AUTS2: variants seen among roughly 807,000 people sequenced by gnomAD.
The protein encoded by AUTS2 is autism susceptibility gene 2 protein.
AUTS2 carries 17 observed loss-of-function variants against 112.4 expected under a neutral mutation model. The ratio of observed to expected loss-of-function variants is 0.15; its 90% CI spans 0.10 to 0.23. The LOEUF (loss-of-function observed/expected upper bound fraction) is 0.23, where lower values mean the gene tolerates loss of function less well. Among genes scored for constraint, AUTS2 ranks in the 10% least tolerant of loss-of-function variants. The pLI, the probability that AUTS2 is intolerant of heterozygous loss-of-function variation, is 1.00. For synonymous variants in AUTS2, 751 were observed against 702.7 expected (o/e 1.07, Z -1.09); for missense variants, 1,510 against 1,701.6 (o/e 0.89, Z 1.98).
intron 5 of AUTS2, among the ~76,000 whole-genome samples, chr7:70,510,781 AT>A (rs1364529047): frequency 6.6e-6 from 1 of 152,082 alleles, no homozygotes; most frequent in Non-Finnish European, 1.5e-5. Flanking sequence ...TAATAGGTTT[AT>A]TGTTATTTTT....
intron 6 of AUTS2, among the ~76,000 whole-genome samples, chr7:70,705,138 ACT>A (rs1809666513): frequency 6.6e-6 from 1 of 152,028 alleles, no homozygotes; most frequent in Admixed American, 6.6e-5. Flanking sequence ...ATAAGATAAA[ACT>A]CTATTGTTTT....
intron 2 of AUTS2, among the ~76,000 whole-genome samples, chr7:69,966,923 C>T (rs1290104974): frequency 1.3e-5 from 2 of 152,148 alleles, no homozygotes; most frequent in African/African-American, 4.8e-5. Context: ...GCTGTTAGTT[C>T]CTGCTGCTGA....
chr7:69,728,004 A>G (rs892642393), intron 1 of AUTS2, among the ~76,000 whole-genome samples: 8 of 152,130 alleles, frequency 5.3e-5, no homozygotes, highest in South Asian at 2.1e-4. Flanking sequence ...TTGAGAACCT[A>G]TGTACTAATG....
intron 4 of AUTS2, among the ~76,000 whole-genome samples, chr7:70,205,178 C>A (rs1810505444): frequency 6.6e-6 from 1 of 152,056 alleles, no homozygotes; most frequent in Non-Finnish European, 1.5e-5. Flanking sequence ...GAAGCTGGGA[C>A]TTCAGGAATG....
At chr7:69,951,094 A>G (rs1797008337) in intron 2 of AUTS2, among the ~76,000 whole-genome samples, 1 of 152,060 alleles carries the variant, frequency 6.6e-6, no homozygotes, top group South Asian at 2.1e-4. Context: ...AACTTTTTTT[A>G]TTTCCAACAG....
intron 4 of AUTS2, among the ~76,000 whole-genome samples, chr7:70,295,324 G>A (rs770425886): frequency 9.2e-5 from 14 of 152,146 alleles, no homozygotes; most frequent in Non-Finnish European, 1.6e-4. Flanking sequence ...AAGATGGGCT[G>A]TATCAATCTG....
chr7:70,670,898 G>A (rs912729161), intron 5 of AUTS2, among the ~76,000 whole-genome samples: 1 of 152,214 alleles, frequency 6.6e-6, no homozygotes, highest in Non-Finnish European at 1.5e-5. Flanking sequence ...CAGGCGGGGT[G>A]CGGTGGCTCA....
chr7:70,373,934 C>T (rs532723379), intron 4 of AUTS2, among the ~76,000 whole-genome samples: 1 of 152,104 alleles, frequency 6.6e-6, no homozygotes, highest in East Asian at 1.9e-4. Flanking sequence ...AGCATATTCC[C>T]ATGAATGGTC....
chr7:70,545,611 C>T (rs1314037922), intron 5 of AUTS2, among the ~76,000 whole-genome samples: 1 of 152,230 alleles, frequency 6.6e-6, no homozygotes, highest in African/African-American at 2.4e-5. Flanking sequence ...CATAGCCCCA[C>T]TGTGAATGAC....
At chr7:69,935,090 T>G (rs935834652) in intron 2 of AUTS2, among the ~76,000 whole-genome samples, 11 of 152,158 alleles carry the variant, frequency 7.2e-5, no homozygotes, top group Non-Finnish European at 1.5e-4. Flanking sequence ...CTGCCCCATA[T>G]AAGCTCACTT....
intron 18 of AUTS2, 66 bp downstream of exon 18, chr7:70,787,497 C>T: frequency 8.4e-7 from 1 of 1,186,284 alleles, no homozygotes; most frequent in Non-Finnish European, 1.2e-6. Flanking sequence ...ACCAGTGGAA[C>T]TGGCCGCCCA....
At chr7:69,865,020 T>G (rs1316363655) in intron 1 of AUTS2, among the ~76,000 whole-genome samples, 1 of 152,132 alleles carries the variant, frequency 6.6e-6, no homozygotes, top group Non-Finnish European at 1.5e-5. Flanking sequence ...TTCATATATC[T>G]GCCTTCAGCT....
rs79557783 is a variant in AUTS2, at chr7:70,759,731, C to G, written c.743-3139C>G. ...GAAGCGAGCCCACGCCTGCAGGATGCCATCTGCAAGCTTGGCTGTGTTATC... is the reference window on the plus strand; with the variant it reads ...GAAGCGAGCCCACGCCTGCAGGATGGCATCTGCAAGCTTGGCTGTGTTATC... On this transcript the variant is annotated intron_variant, in intron 6 of 18. Transcript: ENST00000342771. Among the ~76,000 whole-genome samples the G allele has an allele frequency of 5.3e-4, 80 of 152,322 alleles. No individual in the cohort carries two copies. In the East Asian group the frequency reaches 0.013, roughly 24 times the overall value.
intron 4 of AUTS2, among the ~76,000 whole-genome samples, chr7:70,246,430 A>G (rs1391207220): frequency 2.0e-5 from 3 of 152,122 alleles, no homozygotes; most frequent in Non-Finnish European, 4.4e-5. Flanking sequence ...CAACTATAAT[A>G]CCATTACCAT....
At chr7:69,657,604 G>A (rs544773760) in intron 1 of AUTS2, among the ~76,000 whole-genome samples, 2 of 152,254 alleles carry the variant, frequency 1.3e-5, no homozygotes, top group South Asian at 2.1e-4. Context: ...ACCCAGGTGC[G>A]TTCTGATAAA....
At chr7:69,960,158 T>C (rs1051819976) in intron 2 of AUTS2, among the ~76,000 whole-genome samples, 2 of 152,192 alleles carry the variant, frequency 1.3e-5, no homozygotes, top group Non-Finnish European at 2.9e-5. Context: ...CCTAAGAACA[T>C]TTGGAAACAT....
At chr7:70,515,973 G>A (rs1799400083) in intron 5 of AUTS2, among the ~76,000 whole-genome samples, 1 of 152,174 alleles carries the variant, frequency 6.6e-6, no homozygotes. Flanking sequence ...GTATTTCATG[G>A]CCGCTGGGCC....
chr7:70,333,020 A>G (rs1412558960), intron 4 of AUTS2, among the ~76,000 whole-genome samples: 2 of 152,234 alleles, frequency 1.3e-5, no homozygotes, highest in African/African-American at 4.8e-5. Context: ...ATTAGAGTGA[A>G]CAGGCAACCT....
chr7:70,051,063 G>T (rs948055139), intron 2 of AUTS2, among the ~76,000 whole-genome samples: 1 of 152,208 alleles, frequency 6.6e-6, no homozygotes, highest in African/African-American at 2.4e-5. Context: ...CTGCCAAGGG[G>T]ATGAGCAAAT....
Sources: allele counts gnomAD v4.1 joint callset (sites outside exome capture counted in the v4.1 genomes callset), GRCh38; gene constraint gnomAD v4.1.1; transcripts MANE v1.5; gene names NCBI Gene and HGNC (gene_info 2026-07-23, HGNC 2026-07-21).